Variants in GABRB2 observed in about 807,000 individuals in gnomAD.
GABRB2 encodes gamma-aminobutyric acid type A receptor subunit beta2.
In GABRB2, 16 loss-of-function variants were observed where a neutral mutation model predicts 54.7. The ratio of observed to expected loss-of-function variants is 0.29; its 90% CI spans 0.20 to 0.44. The LOEUF is 0.44. Among genes scored for constraint, GABRB2 ranks in the 20% least tolerant of loss-of-function variants. The pLI is 1.00. For missense variants in GABRB2, 355 were observed against 644.0 expected (o/e 0.55, Z 4.86); for synonymous variants, 244 against 233.8 (o/e 1.04, Z -0.40).
intron 5 of GABRB2, among the ~76,000 whole-genome samples, chr5:161,385,305 T>C (rs1309832118): frequency 6.6e-6 from 1 of 152,220 alleles, no homozygotes; most frequent in African/African-American, 2.4e-5. Context: ...CTGCAAAATC[T>C]CTCATAAACA....
chr5:161,456,162 A>G (rs1757949244), intron 4 of GABRB2, among the ~76,000 whole-genome samples: 1 of 152,194 alleles, frequency 6.6e-6, no homozygotes, highest in Non-Finnish European at 1.5e-5. Context: ...CTTGATATTT[A>G]AAGTTTTTCT....
At chr5:161,546,501 C>T in intron 1 of GABRB2, 66 bp downstream of exon 1, 3 of 1,565,492 alleles carry the variant, frequency 1.9e-6, no homozygotes, top group South Asian at 1.1e-5. Context: ...TTTCCCTGCT[C>T]ACAGAGGTAT....
chr5:161,546,217 G>A, intron 2 of GABRB2, 105 bp downstream of exon 2: 2 of 845,986 alleles, frequency 2.4e-6, no homozygotes, highest in East Asian at 2.5e-5. Context: ...GACACATTCA[G>A]GACACCACAT....
chr5:161,313,893 C>A (rs114137266), intron 9 of GABRB2, among the ~76,000 whole-genome samples: 1 of 152,144 alleles, frequency 6.6e-6, no homozygotes, highest in African/African-American at 2.4e-5. Context: ...CAGGACTGCC[C>A]GTGCTCTTAA....
intron 5 of GABRB2, among the ~76,000 whole-genome samples, chr5:161,387,719 G>A (rs1176303881): frequency 6.6e-6 from 1 of 152,020 alleles, no homozygotes; most frequent in Non-Finnish European, 1.5e-5. Flanking sequence ...GAACTATATA[G>A]CTAAAACTTA....
intron 5 of GABRB2, among the ~76,000 whole-genome samples, chr5:161,337,847 T>G (rs1257874048): frequency 2.6e-5 from 4 of 152,128 alleles, no homozygotes. Flanking sequence ...GATATCACAT[T>G]TATCTTTTCA....
chr5:161,385,052 G>C (rs562741847), intron 5 of GABRB2, among the ~76,000 whole-genome samples: 1 of 152,106 alleles, frequency 6.6e-6, no homozygotes, highest in Non-Finnish European at 1.5e-5. Context: ...GTCGACTACA[G>C]AAGAAGCAAT....
At chr5:161,466,548 T>C (rs1758281714) in intron 3 of GABRB2, among the ~76,000 whole-genome samples, 1 of 152,070 alleles carries the variant, frequency 6.6e-6, no homozygotes, top group African/African-American at 2.4e-5. Context: ...CATCAGCCAT[T>C]GAAAGAATTT....
intron 3 of GABRB2, among the ~76,000 whole-genome samples, chr5:161,462,004 G>A (rs953723019): frequency 1.6e-4 from 24 of 151,936 alleles, no homozygotes; most frequent in East Asian, 3.9e-4. Context: ...CTCTAACACC[G>A]AACAGTTTTC....
chr5:161,292,384 T>C lies in GABRB2; in HGVS notation c.*1697A>G, dbSNP rs1428901110. On this transcript the variant is annotated 3_prime_UTR_variant, in exon 10 of 10. Transcript: ENST00000393959. ...GAAAAAGTTCAATCAAATTCAACTTTAAGGAAAATTTAGCAATTCACTATT... is the reference window on the plus strand; with the variant it reads ...GAAAAAGTTCAATCAAATTCAACTTCAAGGAAAATTTAGCAATTCACTATT... 2 of 152,208 alleles carry C rather than the reference T, an allele frequency of 1.3e-5. No individual in the cohort carries two copies. Among genetic ancestry groups the C allele is most frequent in the Non-Finnish European group, 2.9e-5 (2 of 68,038 alleles). The allele number at this position is 152,208 out of a possible 1,614,324, so 9.4% of individuals were successfully genotyped here. A position where few individuals can be genotyped will look rare whatever the true frequency, so the allele number is the denominator to read the frequency against.
intron 3 of GABRB2, among the ~76,000 whole-genome samples, chr5:161,519,955 AT>A (rs1160654590): frequency 6.6e-6 from 1 of 151,972 alleles, no homozygotes; most frequent in African/African-American, 2.4e-5. Context: ...TCATGATCAT[AT>A]TTTCTTTTTA....
intron 3 of GABRB2, among the ~76,000 whole-genome samples, chr5:161,502,880 T>A (rs1398191959): frequency 1.3e-5 from 2 of 152,194 alleles, no homozygotes; most frequent in Non-Finnish European, 2.9e-5. Context: ...CATTGAGACA[T>A]GGCCAAATAC....
At chr5:161,318,478 ACAGATTTC>A (rs1281010645) in intron 9 of GABRB2, among the ~76,000 whole-genome samples, 2 of 152,014 alleles carry the variant, frequency 1.3e-5, no homozygotes, top group Non-Finnish European at 2.9e-5. Flanking sequence ...TGAATAATTC[ACAGATTTC>A]CAATGATATG....
chr5:161,538,817 G>C (rs1370940802), intron 3 of GABRB2, among the ~76,000 whole-genome samples: 1 of 149,740 alleles, frequency 6.7e-6, no homozygotes, highest in East Asian at 1.9e-4. Flanking sequence ...CGAGACAACT[G>C]TCTCAAAAGA....
intron 3 of GABRB2, among the ~76,000 whole-genome samples, chr5:161,501,189 A>G (rs1231240768): frequency 6.6e-6 from 1 of 152,168 alleles, no homozygotes; most frequent in Non-Finnish European, 1.5e-5. Context: ...AAAACTATCT[A>G]GAAATCAAGA....
At chr5:161,341,910 A>G (rs1754170273) in intron 5 of GABRB2, among the ~76,000 whole-genome samples, 1 of 139,490 alleles carries the variant, frequency 7.2e-6, no homozygotes, top group Non-Finnish European at 1.5e-5. Flanking sequence ...AGAAGAGGTG[A>G]ATTAATGCCA....
At chr5:161,546,982 G>A (rs1180759351), upstream of GABRB2, 1 of 254,186 alleles carries the variant, frequency 3.9e-6, no homozygotes, top group Non-Finnish European at 7.5e-6. Flanking sequence ...GTTGCAAGAG[G>A]CAGTTTTGCA....
intron 3 of GABRB2, among the ~76,000 whole-genome samples, chr5:161,522,038 A>C (rs562165833): frequency 6.6e-6 from 1 of 152,032 alleles, no homozygotes; most frequent in Non-Finnish European, 1.5e-5. Flanking sequence ...GAAGTCAAAT[A>C]GAAGTTATAA....
chr5:161,296,024 C>T (rs1261107592), intron 9 of GABRB2, among the ~76,000 whole-genome samples: 1 of 152,200 alleles, frequency 6.6e-6, no homozygotes, highest in East Asian at 1.9e-4. Flanking sequence ...TGCTTTGCAG[C>T]AACTGATTCA....
Sources: allele counts gnomAD v4.1 joint callset (sites outside exome capture counted in the v4.1 genomes callset), GRCh38; gene constraint gnomAD v4.1.1; transcripts MANE v1.5; gene names NCBI Gene and HGNC (gene_info 2026-07-23, HGNC 2026-07-21).